EPB42: variants seen among roughly 807,000 people sequenced by gnomAD.
The protein encoded by EPB42 is erythrocyte membrane protein band 4.2, also known as protein 4.2.
In EPB42, 49 loss-of-function variants were observed where a neutral mutation model predicts 76.9. The ratio of observed to expected loss-of-function variants is 0.64; its 90% confidence interval spans 0.51 to 0.81. The LOEUF (loss-of-function observed/expected upper bound fraction) is 0.81. Among genes scored for constraint, EPB42 ranks in the 30% least tolerant of loss-of-function variants. The pLI, the probability that EPB42 is intolerant of heterozygous loss-of-function variation, is 0.00. For synonymous variants in EPB42, 310 were observed against 338.4 expected, an observed-to-expected ratio of 0.92 and a Z score of 0.92; for missense variants, 731 against 867.6, an observed-to-expected ratio of 0.84 and a Z score of 1.98.
At chr15:43,199,155 A>G (rs1349856017) in intron 12 of EPB42, among the ~76,000 whole-genome samples, 1 of 152,198 alleles carries the variant, frequency 6.6e-6, no homozygotes, top group African/African-American at 2.4e-5. Context: ...GAGCTGTGAG[A>G]AGAGGGCCGC....
chr15:43,225,013 A>T (rs1038702595), upstream of EPB42, among the ~76,000 whole-genome samples: 2 of 152,224 alleles, frequency 1.3e-5, no homozygotes, highest in African/African-American at 4.8e-5. Context: ...TGCTCAAGTG[A>T]TCCCCCAGCC....
At position 43,201,874 on chromosome 15, in the gene EPB42, C is replaced by T. The variant is rs2042131350; in HGVS notation, c.1883G>A (p.Arg628Lys). ...MEDCVISILG[R>K]GLIHRERSYR... ...GCTCCTCTCTCTGTGAATGAGCCCC[C>T]TTCCCAGGATGGAGATCACACAGTC... The change falls in exon 12 of 13, where the codon AGG (arginine) becomes AAG (lysine). Residue 628 changes from arginine to lysine, a missense_variant. Arg to Lys is a conservative substitution (Grantham distance 26). Coordinates refer to ENST00000441366, the MANE Select transcript of EPB42 (RefSeq NM_001114134.2). 4 of 1,614,092 alleles carry T rather than the reference C, an allele frequency of 2.5e-6. No individual in the cohort carries two copies. In the South Asian group the frequency reaches 4.4e-5, roughly 18 times the overall value.
chr15:43,203,076 T>TGGCAG (rs759843947), intron 11 of EPB42, 39 bp downstream of exon 11: 78 of 1,612,992 alleles, frequency 4.8e-5, no homozygotes, highest in Non-Finnish European at 6.3e-5. Flanking sequence ...ACCTGAGTGG[T>TGGCAG]GGCAGACGAG....
upstream of EPB42, among the ~76,000 whole-genome samples, chr15:43,222,819 A>G (rs184775836): frequency 6.6e-6 from 1 of 152,360 alleles, no homozygotes; most frequent in Non-Finnish European, 1.5e-5. Context: ...TTGGCTTCCT[A>G]TCTTATGCCA....
At chr15:43,215,677 A>G (rs2042367532) in intron 2 of EPB42, among the ~76,000 whole-genome samples, 1 of 152,176 alleles carries the variant, frequency 6.6e-6, no homozygotes, top group Non-Finnish European at 1.5e-5. Flanking sequence ...CCTGGGTTCG[A>G]TTCCATCCAG....
At chr15:43,201,445 A>G (rs1382672045) in intron 12 of EPB42, among the ~76,000 whole-genome samples, 1 of 152,218 alleles carries the variant, frequency 6.6e-6, no homozygotes, top group Non-Finnish European at 1.5e-5. Flanking sequence ...AAAGGGAATA[A>G]ATTAAACAAA....
chr15:43,208,434 G>T, intron 7 of EPB42, 101 bp from the exon 8 acceptor site: 2 of 1,418,176 alleles, frequency 1.4e-6, no homozygotes, highest in Non-Finnish European at 9.9e-7. Flanking sequence ...CCAGTGGGAT[G>T]GGAGGTCACT....
At position 43,211,680 on chromosome 15, in the gene EPB42, C is replaced by T. The variant is rs773513632; in HGVS notation, c.431-146G>A. 227 of 707,394 alleles carry T rather than the reference C, an allele frequency of 3.2e-4. 1 individual carries two copies. The highest frequency in any genetic ancestry group is 8.0e-4 in the Admixed American group (41 of 51,292). 43.8% of individuals were successfully genotyped at this position (707,394 alleles called of 1,614,324 possible). A position where few individuals can be genotyped will look rare whatever the true frequency, so the allele number is the denominator to read the frequency against. ...CCTAATGAAGACTGAGGAGGAAGTC[C>T]CTCTTTCACTGCCCCCACTGGGACC... On this transcript the variant is annotated intron_variant, in intron 3 of 12. Coordinates refer to ENST00000441366, the MANE Select transcript of EPB42 (RefSeq NM_001114134.2).
chr15:43,224,513 A>C (rs1411406287), upstream of EPB42, among the ~76,000 whole-genome samples: 1 of 152,206 alleles, frequency 6.6e-6, no homozygotes, highest in East Asian at 1.9e-4. Context: ...AAAAAAAAAA[A>C]AGTCTATACT....
rs1159495420 is a variant in EPB42 at position 43,216,324 on chromosome 15, G to A, written c.140C>T (p.Ala47Val). 1.2e-6 allele frequency: 2 copies of A among 1,614,092 alleles called. No individual in the cohort carries two copies. The highest frequency in any genetic ancestry group is 2.2e-5 in the East Asian group (1 of 44,896). ...GGCAGGCAGAAATGCACGGACTGGAGCGCGGAAGTACAGGATGATGGTGAA... is the reference window on the plus strand; with the variant it reads ...GGCAGGCAGAAATGCACGGACTGGAACGCGGAAGTACAGGATGATGGTGAA... The part of the protein sequence containing the change: ...QPFTIILYFR[A>V]PVRAFLPALK... The change falls in exon 2 of 13, where the codon GCT (alanine) becomes GTT (valine). Residue 47 changes from alanine (A) to valine (V), a missense_variant. Physicochemically the swap from Ala to Val is moderately conservative, Grantham distance 64. Coordinates refer to ENST00000441366, the MANE Select transcript of EPB42 (RefSeq NM_001114134.2).
In EPB42 at chr15:43,197,612, A is replaced by G; in HGVS notation, c.1914-148T>C. ...TTGCTATTAAAATGGAAGTGTTTAT[A>G]AAGGAATAGAAGACAGGAGCCACCC... On this transcript the variant is annotated intron_variant, in intron 12 of 12. Coordinates refer to ENST00000441366, the MANE Select transcript of EPB42 (RefSeq NM_001114134.2). The G allele has an allele frequency of 5.2e-6, 5 of 960,920 alleles. 1 individual carries two copies. In the South Asian group the frequency reaches 7.9e-5, roughly 15 times the overall value. 59.5% of individuals were successfully genotyped at this position (960,920 alleles called of 1,614,324 possible). A position where few individuals can be genotyped will look rare whatever the true frequency, so the allele number is the denominator to read the frequency against.
upstream of EPB42, among the ~76,000 whole-genome samples, chr15:43,225,178 G>T (rs549657741): frequency 7.6e-4 from 116 of 152,296 alleles, 1 homozygote; most frequent in Admixed American, 2.0e-4. Flanking sequence ...ATATGAATTT[G>T]CTTGTGTTTA....
At chr15:43,217,957 T>C (rs550423247) in intron 1 of EPB42, among the ~76,000 whole-genome samples, 4 of 152,282 alleles carry the variant, frequency 2.6e-5, no homozygotes, top group African/African-American at 9.6e-5. Context: ...CATTATTGAA[T>C]ATGAAGAAAT....
At chr15:43,210,490 G>T in intron 4 of EPB42, 51 bp from the exon 5 acceptor site, 2 of 1,548,056 alleles carry the variant, frequency 1.3e-6, no homozygotes, top group South Asian at 1.1e-5. Flanking sequence ...ACAGGGCCAT[G>T]AGGAAGGGTC....
rs377033588 is a variant in EPB42 at position 43,211,592 on chromosome 15, T to C, written c.431-58A>G. On this transcript the variant is annotated intron_variant, in intron 3 of 12. Coordinates refer to ENST00000441366, the MANE Select transcript of EPB42 (RefSeq NM_001114134.2). ...GGGGGTCCTAGGTCCACCCTCCACA[T>C]CCAGGCCTCTGTCCTCCCTGCCGAG... 576 of 1,131,932 alleles carry C rather than the reference T, an allele frequency of 5.1e-4. 3 individuals carry two copies. In the African/African-American group the frequency reaches 7.9e-3, roughly 15 times the overall value. 70.1% of individuals were successfully genotyped at this position (1,131,932 alleles called of 1,614,324 possible).
chr15:43,220,728 T>C, intron 1 of EPB42, 88 bp downstream of exon 1: 1 of 1,393,966 alleles, frequency 7.2e-7, no homozygotes, highest in Non-Finnish European at 9.6e-7. Context: ...CCGCCTACCA[T>C]CCATCCCACT....
At chr15:43,207,065 T>C in intron 9 of EPB42, 134 bp downstream of exon 9, 1 of 1,326,760 alleles carries the variant, frequency 7.5e-7, no homozygotes, top group South Asian at 1.3e-5. Context: ...TGGTGTCAAA[T>C]GGGGTTGAGA....
Position 43,197,242 on chromosome 15 carries a change from C to G in EPB42, c.*60G>C. On this transcript the variant is annotated 3_prime_UTR_variant, in exon 13 of 13. Coordinates refer to ENST00000441366, the MANE Select transcript of EPB42 (RefSeq NM_001114134.2). ...AGACGCAAAGTTTCTCTTCCTAGCA[C>G]ATGTTTGGTTTAGATTGTAGAACAA... is the stretch of plus-strand genomic sequence containing the variant. 6.2e-7 allele frequency: 1 copy of G among 1,608,264 alleles called. No homozygotes were observed. Among genetic ancestry groups the G allele is most frequent in the Non-Finnish European group, 8.5e-7 (1 of 1,175,212 alleles).
In EPB42 at chr15:43,201,883, A is replaced by C. The variant is rs756508106; in HGVS notation, c.1874T>G (p.Ile625Ser). Residue 625 changes from isoleucine (I) to serine (S), a missense_variant, in exon 12 of 13, where the codon ATC becomes AGC. Ile to Ser is a moderately radical substitution (Grantham distance 142). Coordinates refer to ENST00000441366, the MANE Select transcript of EPB42 (RefSeq NM_001114134.2). ...TCTGTGAATGAGCCCCCTTCCCAGG[A>C]TGGAGATCACACAGTCCTCCATGGG... Reference protein sequence around the residue: ...DAPMEDCVISILGRGLIHRER... With the variant: ...DAPMEDCVISSLGRGLIHRER... The C allele has an allele frequency of 1.2e-6, 2 of 1,614,174 alleles. No homozygotes were observed.
Sources: gnomAD v4.1 joint callset for allele counts (sites outside exome capture counted in the v4.1 genomes callset) on GRCh38, gnomAD v4.1.1 for gene constraint, MANE v1.5 for transcripts, NCBI Gene and HGNC (gene_info 2026-07-23, HGNC 2026-07-21) for gene names.